ACACB: variants seen among roughly 807,000 people sequenced by gnomAD.
ACACB encodes the protein acetyl-CoA carboxylase beta.
ACACB carries 209 observed loss-of-function variants against 278.8 expected under a neutral mutation model. The ratio of observed to expected loss-of-function variants is 0.75; its 90% CI spans 0.67 to 0.84. ACACB has a LOEUF of 0.84. ACACB is among the 40% of genes least tolerant of loss of function. The pLI, the probability that ACACB is intolerant of heterozygous loss-of-function variation, is 0.00. For synonymous variants in ACACB, 1,174 were observed against 1,285.6 expected, an observed-to-expected ratio of 0.91 and a Z score of 1.86; for missense variants, 2,850 against 3,269.0, an observed-to-expected ratio of 0.87 and a Z score of 3.13.
intron 28 of ACACB, among the ~76,000 whole-genome samples, 162 bp from the exon 29 acceptor site, chr12:109,232,507 G>C (rs1008728573): frequency 3.3e-5 from 5 of 152,172 alleles, no homozygotes; most frequent in Non-Finnish European, 5.9e-5. Flanking sequence ...ACCCTCCTCA[G>C]GCCCCGGCCC....
intron 22 of ACACB, among the ~76,000 whole-genome samples, chr12:109,213,980 C>T (rs751612024): frequency 3.3e-5 from 5 of 151,918 alleles, no homozygotes; most frequent in African/African-American, 9.7e-5. Flanking sequence ...CAGGGCCAGG[C>T]GCTGTGGCTT....
At chr12:109,237,437 A>G in intron 34 of ACACB, 57 bp downstream of exon 34, 1 of 1,523,254 alleles carries the variant, frequency 6.6e-7, no homozygotes, top group South Asian at 1.2e-5. Flanking sequence ...CCTTCCTTAC[A>G]TTCCTGCTCT....
intron 29 of ACACB, 108 bp from the exon 30 acceptor site, chr12:109,233,640 C>A (rs1442795733): frequency 1.1e-6 from 1 of 903,756 alleles, no homozygotes; most frequent in Non-Finnish European, 1.7e-6. Context: ...AGGGTGTTGG[C>A]TGGGAAATTG....
chr12:109,155,955 T>A (rs1265574978), intron 2 of ACACB, among the ~76,000 whole-genome samples: 10 of 152,200 alleles, frequency 6.6e-5, no homozygotes, highest in Non-Finnish European at 1.2e-4. Context: ...ACTGACCAGA[T>A]CTAAAGTACT....
At chr12:109,262,817 A>C (rs1295239888) in intron 49 of ACACB, among the ~76,000 whole-genome samples, 1 of 151,320 alleles carries the variant, frequency 6.6e-6, no homozygotes, top group African/African-American at 2.4e-5. Context: ...GGGTTTCGCC[A>C]TGTTGCCCAG....
At chr12:109,258,838 C>A in intron 46 of ACACB, 135 bp from the exon 47 acceptor site, 1 of 1,183,000 alleles carries the variant, frequency 8.5e-7, no homozygotes, top group Non-Finnish European at 1.2e-6. Context: ...TTCCATCCTT[C>A]TGAGCCCTGG....
intron 50 of ACACB, 85 bp downstream of exon 50, chr12:109,264,471 A>C: frequency 1.6e-5 from 15 of 946,032 alleles, no homozygotes; most frequent in Non-Finnish European, 2.2e-5. Flanking sequence ...GGGGGCGGGG[A>C]GGGCGGTGGT....
intron 28 of ACACB, 119 bp from the exon 29 acceptor site, chr12:109,232,550 C>G: frequency 7.7e-7 from 1 of 1,290,794 alleles, no homozygotes; most frequent in Non-Finnish European, 1.1e-6. Context: ...CCATTTTAAG[C>G]CCCCATTTGG....
At chr12:109,240,868 TGAG>T (rs1428012521) in intron 35 of ACACB, among the ~76,000 whole-genome samples, 1 of 152,172 alleles carries the variant, frequency 6.6e-6, no homozygotes, top group Non-Finnish European at 1.5e-5. Context: ...TCGCCTCTCT[TGAG>T]TACTTACGAA....
intron 37 of ACACB, among the ~76,000 whole-genome samples, chr12:109,244,181 G>A (rs1279173552): frequency 6.6e-6 from 1 of 152,176 alleles, no homozygotes; most frequent in Non-Finnish European, 1.5e-5. Flanking sequence ...TGACGTTCAT[G>A]AAACCAAGGT....
intron 22 of ACACB, among the ~76,000 whole-genome samples, chr12:109,215,127 A>T (rs1477309352): frequency 6.6e-6 from 1 of 151,984 alleles, no homozygotes; most frequent in Non-Finnish European, 1.5e-5. Context: ...GGAGAAGCAA[A>T]ATTTACATGG....
chr12:109,174,181 C>T lies in ACACB; in HGVS notation c.1167C>T (p.Thr389=), dbSNP rs143245708. ...MWALGDKIAS[T]VVAQTLQVPT... ...CCTTAGGAGATAAGATCGCCTCCAC[C>T]GTTGTCGCCCAGACGCTACAGGTCC... Residue 389 remains threonine, a synonymous_variant, in exon 7 of 53, where the codon ACC becomes ACT. Transcript: ENST00000338432. 89 of 1,613,254 alleles carry T rather than the reference C, an allele frequency of 5.5e-5. No individual in the cohort carries two copies. The highest frequency in any genetic ancestry group is 3.9e-4 in the African/African-American group (29 of 74,928).
chr12:109,171,596 T>C, intron 4 of ACACB, among the ~76,000 whole-genome samples: 1 of 152,206 alleles, frequency 6.6e-6, no homozygotes, highest in East Asian at 1.9e-4. Context: ...GCCATCTGCC[T>C]GCCTCGGCCT....
At chr12:109,232,872 C>G (rs1031611660) in intron 29 of ACACB, 66 bp downstream of exon 29, 82 of 1,585,798 alleles carry the variant, frequency 5.2e-5, no homozygotes, top group Non-Finnish European at 6.5e-5. Flanking sequence ...CCTTGAATCC[C>G]CCCCCAATTC....
At chr12:109,235,419 G>C in intron 32 of ACACB, 50 bp downstream of exon 32, 1 of 1,555,644 alleles carries the variant, frequency 6.4e-7, no homozygotes, top group Non-Finnish European at 8.9e-7. Context: ...CCAAGCCTTG[G>C]TGTGTGCCAT....
intron 11 of ACACB, among the ~76,000 whole-genome samples, chr12:109,184,008 G>A (rs1407560695): frequency 6.6e-6 from 1 of 151,164 alleles, no homozygotes; most frequent in East Asian, 1.9e-4. Context: ...TGCCACATTT[G>A]CTTTGTCTCT....
At position 109,257,384 on chromosome 12, in the gene ACACB, C is replaced by T. The variant is rs865923742; in HGVS notation, c.6264-884C>T. Among the ~76,000 whole-genome samples the T allele has an allele frequency of 7.2e-5, 11 of 152,056 alleles. No individual in the cohort carries two copies. In the South Asian group the frequency reaches 2.1e-3, roughly 29 times the overall value. On this transcript the variant is annotated intron_variant, in intron 45 of 52. Coordinates refer to ENST00000338432, the MANE Select transcript of ACACB (RefSeq NM_001093.4). ...CTTTGATTTGAAGACTGCTCTCCCC[C>T]ACCCCTGCATCATAGGGTAAACGAG...
rs993597389 is a variant in ACACB, at chr12:109,174,032, T to G, written c.1118-100T>G. The G allele has an allele frequency of 8.5e-6, 8 of 946,176 alleles. No individual in the cohort carries two copies. The Admixed American group carries it at 1.7e-4, about 20-fold the overall frequency. 58.6% of individuals were successfully genotyped at this position (946,176 alleles called of 1,614,324 possible). On this transcript the variant is annotated intron_variant, in intron 6 of 52. Coordinates refer to ENST00000338432, the MANE Select transcript of ACACB (RefSeq NM_001093.4). ...CCAGAGAATTTTCTCTGTCATCTGC[T>G]CCTTACCTGGCCCCACCACCGTGCA... is the stretch of plus-strand genomic sequence containing the variant.
intron 2 of ACACB, among the ~76,000 whole-genome samples, chr12:109,147,870 A>G (rs1306496996): frequency 3.3e-5 from 5 of 152,244 alleles, no homozygotes; most frequent in Non-Finnish European, 7.3e-5. Flanking sequence ...TAACAGGTGA[A>G]TAGGCATTTT....
Sources: gnomAD v4.1 joint callset for allele counts (sites outside exome capture counted in the v4.1 genomes callset) on GRCh38, gnomAD v4.1.1 for gene constraint, MANE v1.5 for transcripts, NCBI Gene and HGNC (gene_info 2026-07-23, HGNC 2026-07-21) for gene names.